MMP26: variants seen among roughly 807,000 people sequenced by gnomAD.
MMP26 encodes the protein matrix metallopeptidase 26.
A neutral mutation model predicts 31.0 loss-of-function variants in MMP26; 33 were observed. The ratio of observed to expected loss-of-function variants is 1.06; its 90% confidence interval spans 0.81 to 1.42. The LOEUF (loss-of-function observed/expected upper bound fraction) is 1.42. MMP26 is among the 40% of genes most tolerant of loss of function. The pLI is 0.00. For missense variants in MMP26, 347 were observed against 316.1 expected (o/e 1.10, Z -0.74); for synonymous variants, 122 against 114.9 (o/e 1.06, Z -0.40).
chr11:4,925,213 T>G (rs975003458), intron 2 of MMP26, among the ~76,000 whole-genome samples: 13 of 152,116 alleles, frequency 8.5e-5, no homozygotes, highest in Admixed American at 6.6e-4. Flanking sequence ...ACAGAGCAAG[T>G]AAGTGTTGGG....
chr11:4,788,703 T>C (rs1192523325), intron 2 of MMP26, among the ~76,000 whole-genome samples: 1 of 152,142 alleles, frequency 6.6e-6, no homozygotes, highest in African/African-American at 2.4e-5. Flanking sequence ...AGTTTGGGTT[T>C]AGGCATTTTG....
rs570272798 is a variant in MMP26 at position 4,839,494 on chromosome 11, A to G, written c.-145+72153A>G. Among the ~76,000 whole-genome samples the G allele has an allele frequency of 4.6e-5, 7 of 151,872 alleles. No individual in the cohort carries two copies. In the South Asian group the frequency reaches 1.5e-3, roughly 32 times the overall value. On this transcript the variant is annotated intron_variant, in intron 2 of 7. Coordinates refer to ENST00000380390, the MANE Select transcript of MMP26 (RefSeq NM_021801.5). The stretch of plus-strand genomic sequence containing the variant: ...GAGCTTGTCTTGCATCTTGCAGGCC[A>G]GCTCAGCTGCAGCAGAATAGAGCGC...
chr11:4,732,158 A>G (rs1004708693), intron 1 of MMP26, among the ~76,000 whole-genome samples: 1 of 152,092 alleles, frequency 6.6e-6, no homozygotes, highest in Non-Finnish European at 1.5e-5. Flanking sequence ...ATCCCATTGA[A>G]TTGCTTCCAC....
intron 2 of MMP26, among the ~76,000 whole-genome samples, chr11:4,840,114 G>C (rs963697174): frequency 6.6e-6 from 1 of 151,982 alleles, no homozygotes; most frequent in Non-Finnish European, 1.5e-5. Flanking sequence ...AGGGAGAGTG[G>C]GAAGGTCTGT....
chr11:4,744,766 T>C (rs1377790989), intron 1 of MMP26, among the ~76,000 whole-genome samples: 1 of 152,204 alleles, frequency 6.6e-6, no homozygotes, highest in African/African-American at 2.4e-5. Context: ...TTAGATTTAT[T>C]AAGGGACAAT....
intron 2 of MMP26, among the ~76,000 whole-genome samples, chr11:4,851,579 G>GA (rs1288271416): frequency 1.3e-5 from 2 of 151,812 alleles, no homozygotes; most frequent in Non-Finnish European, 2.9e-5. Context: ...TGAATTGGAT[G>GA]AAAAAATAAT....
rs1458467479 is a variant in MMP26, at chr11:4,795,416, C to T, written c.-145+28075C>T. 5.3e-5 allele frequency: 8 copies of T among 152,010 alleles called. No homozygotes were observed. In the South Asian group the frequency reaches 6.2e-4, roughly 12 times the overall value. The allele number at this position is 152,010 out of a possible 1,614,324, so 9.4% of individuals were successfully genotyped here. A position where few individuals can be genotyped will look rare whatever the true frequency, so the allele number is the denominator to read the frequency against. On this transcript the variant is annotated intron_variant, in intron 2 of 7. Transcript: ENST00000380390. ...CCAAGTAATAAACACATATTATTTC[C>T]GAAAAGATTGGGAATTATGAGGGCC...
intron 2 of MMP26, among the ~76,000 whole-genome samples, chr11:4,850,809 A>G (rs982018356): frequency 6.6e-6 from 1 of 151,448 alleles, no homozygotes; most frequent in Non-Finnish European, 1.5e-5. Context: ...AAAGCAATAA[A>G]TAGAAACAGA....
At chr11:4,814,951 C>G (rs1278402723) in intron 2 of MMP26, among the ~76,000 whole-genome samples, 1 of 152,154 alleles carries the variant, frequency 6.6e-6, no homozygotes, top group Non-Finnish European at 1.5e-5. Context: ...TTGTGCCCAA[C>G]AGAGTCAGGG....
chr11:4,845,344 A>G (rs982711012), intron 2 of MMP26, among the ~76,000 whole-genome samples: 4 of 152,186 alleles, frequency 2.6e-5, no homozygotes, highest in Non-Finnish European at 4.4e-5. Context: ...AAAGCACTCT[A>G]TAGATTTAAT....
chr11:4,894,343 T>C (rs1589931491), intron 2 of MMP26, among the ~76,000 whole-genome samples: 1 of 152,188 alleles, frequency 6.6e-6, no homozygotes, highest in Admixed American at 6.5e-5. Flanking sequence ...TTTGAATAGA[T>C]GTACTTTGAT....
chr11:4,800,702 A>C (rs12795212), intron 2 of MMP26, among the ~76,000 whole-genome samples: 13,504 of 152,176 alleles, frequency 0.089, 802 homozygotes, highest in Middle Eastern at 0.15. Flanking sequence ...TGACTTTTCC[A>C]AATGTTTATG....
At chr11:4,947,090 A>G in intron 2 of MMP26, 1 of 1,456,482 alleles carries the variant, frequency 6.9e-7, no homozygotes, top group South Asian at 1.2e-5. Context: ...TGATGTGTTG[A>G]TAATGGACAT....
intron 2 of MMP26, among the ~76,000 whole-genome samples, chr11:4,833,934 G>C (rs552871378): frequency 6.6e-6 from 1 of 152,252 alleles, no homozygotes; most frequent in East Asian, 1.9e-4. Flanking sequence ...CACAGGACAA[G>C]AGTTACGAAT....
intron 2 of MMP26, among the ~76,000 whole-genome samples, chr11:4,934,716 G>A (rs1249943981): frequency 4.1e-5 from 6 of 147,814 alleles, no homozygotes; most frequent in Non-Finnish European, 3.0e-5. Context: ...TAGGTCTAAC[G>A]TTTAAATCTT....
intron 2 of MMP26, among the ~76,000 whole-genome samples, chr11:4,804,949 G>A (rs546299413): frequency 4.1e-4 from 61 of 147,218 alleles, no homozygotes; most frequent in African/African-American, 1.5e-3. Flanking sequence ...CAGCCTGGGT[G>A]TCAGAGCGAA....
At chr11:4,733,563 T>A (rs561476449) in intron 1 of MMP26, among the ~76,000 whole-genome samples, 1 of 152,286 alleles carries the variant, frequency 6.6e-6, no homozygotes, top group South Asian at 2.1e-4. Flanking sequence ...GTTTTAATAT[T>A]TAGTAGATTA....
intron 2 of MMP26, among the ~76,000 whole-genome samples, chr11:4,770,387 A>T (rs1848700706): frequency 6.6e-6 from 1 of 152,236 alleles, no homozygotes; most frequent in African/African-American, 2.4e-5. Context: ...ATTTGCCAGG[A>T]ATATAAAGTT....
chr11:4,953,968 C>T (rs1353016670), intron 2 of MMP26, among the ~76,000 whole-genome samples: 1 of 125,500 alleles, frequency 8.0e-6, no homozygotes, highest in Non-Finnish European at 1.8e-5. Context: ...GCAAGAGAAT[C>T]GCTTGAACCT....
Sources: gnomAD v4.1 joint callset for allele counts (sites outside exome capture counted in the v4.1 genomes callset) on GRCh38, gnomAD v4.1.1 for gene constraint, MANE v1.5 for transcripts, NCBI Gene and HGNC (gene_info 2026-07-23, HGNC 2026-07-21) for gene names.